Variants in FSD1L observed in about 807,000 individuals in gnomAD.
FSD1L encodes FSD1-like protein.
A neutral mutation model predicts 71.6 loss-of-function variants in FSD1L; 45 were observed. That is an observed-to-expected ratio of 0.63 (90% CI 0.49 to 0.81). The LOEUF is 0.81. Among genes scored for constraint, FSD1L ranks in the 30% least tolerant of loss-of-function variants. The pLI, the probability that FSD1L is intolerant of heterozygous loss-of-function variation, is 0.00. For missense variants in FSD1L, 561 were observed against 618.1 expected (o/e 0.91, Z 0.98); for synonymous variants, 197 against 207.2 (o/e 0.95, Z 0.42).
At chr9:105,521,031 AAC>A in intron 10 of FSD1L, 1 of 1,612,420 alleles carries the variant, frequency 6.2e-7, no homozygotes, top group Non-Finnish European at 8.5e-7. Context: ...CTGTAAGGAA[AAC>A]AGTTTATATC....
intron 10 of FSD1L, chr9:105,525,823 CA>C (rs1564140735): frequency 5.0e-6 from 8 of 1,605,050 alleles, no homozygotes; most frequent in Admixed American, 1.7e-5. Flanking sequence ...GGGAGGACTA[CA>C]AAAAAACAAA....
At chr9:105,461,422 G>A (rs1216500195) in intron 1 of FSD1L, 98 bp from the exon 2 acceptor site, 5 of 502,596 alleles carry the variant, frequency 9.9e-6, no homozygotes, top group Non-Finnish European at 1.7e-5. Flanking sequence ...AATATATTTT[G>A]AATCTATTAA....
At chr9:105,533,699 G>A (rs1836069328) in intron 10 of FSD1L, among the ~76,000 whole-genome samples, 1 of 140,910 alleles carries the variant, frequency 7.1e-6, no homozygotes, top group African/African-American at 2.8e-5. Flanking sequence ...GAGATTAGAA[G>A]CATGAGCCAC....
intron 1 of FSD1L, among the ~76,000 whole-genome samples, chr9:105,450,766 C>T (rs1412618504): frequency 1.3e-5 from 2 of 151,884 alleles, no homozygotes; most frequent in African/African-American, 4.8e-5. Context: ...CTCCTGACCT[C>T]ACTCAGGTGA....
At chr9:105,524,834 T>C (rs1835408338) in intron 10 of FSD1L, 5 of 1,590,654 alleles carry the variant, frequency 3.1e-6, no homozygotes, top group Non-Finnish European at 4.3e-6. Context: ...GTGGTCCTGC[T>C]ATGCTAACAA....
chr9:105,483,229 TATTAA>T (rs1832326336), intron 6 of FSD1L, among the ~76,000 whole-genome samples: 1 of 152,212 alleles, frequency 6.6e-6, no homozygotes, highest in Non-Finnish European at 1.5e-5. Flanking sequence ...TCATTGTTAC[TATTAA>T]ATTATTACTA....
At chr9:105,458,618 T>C (rs541737808) in intron 1 of FSD1L, among the ~76,000 whole-genome samples, 52 of 152,218 alleles carry the variant, frequency 3.4e-4, no homozygotes, top group African/African-American at 1.2e-3. Context: ...TATGTGCTGA[T>C]TGGTCCATGG....
intron 13 of FSD1L, among the ~76,000 whole-genome samples, chr9:105,545,887 A>C (rs545907281): frequency 6.6e-6 from 1 of 152,256 alleles, no homozygotes; most frequent in Non-Finnish European, 1.5e-5. Context: ...AAGAGTTCTT[A>C]TAGTTAACAC....
rs956952618 is a variant in FSD1L at position 105,545,218 on chromosome 9, GCTCT to G, written c.1468-1137_1468-1134del. ...TGAATGGGAGTTCACTCATGATTTG[GCTCT>G]CTGTTTGTTATTGGTGTATAGGAAT... On this transcript the variant is annotated intron_variant, in intron 13 of 13. Transcript: ENST00000481272. Among the ~76,000 whole-genome samples, 33 of 146,376 alleles carry G rather than the reference GCTCT, an allele frequency of 2.3e-4. 2 individuals are homozygous for G. Among genetic ancestry groups the G allele is most frequent in the African/African-American group, 8.2e-4 (31 of 37,794 alleles).
intron 5 of FSD1L, chr9:105,472,795 C>T (rs1831558420): frequency 6.6e-6 from 1 of 152,132 alleles, no homozygotes; most frequent in South Asian, 2.1e-4. Context: ...GTAACATTTG[C>T]CACCTTACAT....
chr9:105,520,596 C>A, intron 10 of FSD1L: 1 of 1,492,228 alleles, frequency 6.7e-7, no homozygotes, highest in Non-Finnish European at 9.3e-7. Context: ...TTTAAAGAAG[C>A]TACTTCACAC....
chr9:105,488,719 A>G (rs959326074), intron 7 of FSD1L, among the ~76,000 whole-genome samples: 1 of 151,404 alleles, frequency 6.6e-6, no homozygotes, highest in Non-Finnish European at 1.5e-5. Flanking sequence ...CAATTTCCCT[A>G]ATGACATATT....
At chr9:105,503,834 A>C (rs1833903518) in intron 7 of FSD1L, among the ~76,000 whole-genome samples, 1 of 152,158 alleles carries the variant, frequency 6.6e-6, no homozygotes, top group Non-Finnish European at 1.5e-5. Flanking sequence ...ACCACTCTTA[A>C]ATTATCTAAA....
chr9:105,452,665 G>GCCTGCCTGCCTGCCTGCCTTCCTGCCTT (rs1830095598), intron 1 of FSD1L, among the ~76,000 whole-genome samples: 10 of 85,850 alleles, frequency 1.2e-4, no homozygotes, highest in African/African-American at 4.3e-4. Context: ...CTGCCTGCCT[G>GCCTGCCTGCCTGCCTGCCTTCCTGCCTT]CCTGCCTTCC....
intron 13 of FSD1L, among the ~76,000 whole-genome samples, chr9:105,545,798 A>G (rs1472962409): frequency 1.3e-5 from 2 of 152,090 alleles, no homozygotes; most frequent in East Asian, 1.9e-4. Context: ...CACATTTATG[A>G]TAAGTAATAG....
chr9:105,519,371 T>C (rs1834962325), intron 10 of FSD1L, among the ~76,000 whole-genome samples: 3 of 151,984 alleles, frequency 2.0e-5, no homozygotes, highest in Admixed American at 1.3e-4. Context: ...CAGGCCAATA[T>C]CCCTGATGAA....
At chr9:105,476,173 T>A (rs1381984296) in intron 5 of FSD1L, among the ~76,000 whole-genome samples, 2 of 152,202 alleles carry the variant, frequency 1.3e-5, no homozygotes, top group Non-Finnish European at 2.9e-5. Flanking sequence ...TGGTTTAACG[T>A]CTTTAAATTT....
intron 7 of FSD1L, among the ~76,000 whole-genome samples, chr9:105,504,846 C>T (rs1013513807): frequency 1.2e-4 from 18 of 151,914 alleles, no homozygotes; most frequent in Admixed American, 6.6e-4. Context: ...TGATTGAATC[C>T]GTGGATACAG....
intron 10 of FSD1L, chr9:105,520,580 G>C: frequency 7.1e-7 from 1 of 1,416,428 alleles, no homozygotes. Context: ...CATAATATTG[G>C]ATTGATTTAA....
Sources: gnomAD v4.1 joint callset for allele counts (sites outside exome capture counted in the v4.1 genomes callset) on GRCh38, gnomAD v4.1.1 for gene constraint, MANE v1.5 for transcripts, NCBI Gene and HGNC (gene_info 2026-07-23, HGNC 2026-07-21) for gene names.